The following NCOR1 variants were observed in gnomAD, a reference collection of about 807,000 sequenced individuals.
NCOR1 encodes the protein protein phosphatase 1, regulatory subunit 109.
NCOR1 carries 63 observed loss-of-function variants against 288.1 expected under a neutral mutation model. That is an observed-to-expected ratio of 0.22 (90% CI 0.18 to 0.27). NCOR1 has a LOEUF of 0.27. Among genes scored for constraint, NCOR1 ranks in the 10% least tolerant of loss-of-function variants. NCOR1 has a pLI of 1.00. For synonymous variants in NCOR1, 1,007 were observed against 1,065.9 expected, an observed-to-expected ratio of 0.94 and a Z score of 1.08; for missense variants, 2,397 against 3,019.2, an observed-to-expected ratio of 0.79 and a Z score of 4.83.
chr17:16,197,296 G>A (rs1233920265), intron 1 of NCOR1, among the ~76,000 whole-genome samples: 1 of 151,870 alleles, frequency 6.6e-6, no homozygotes, highest in Admixed American at 6.6e-5. Context: ...ACTCCAGCCT[G>A]GGTGAGGGGT....
Position 16,132,700 on chromosome 17 carries a change from T to G in NCOR1, c.1509+4611A>C, listed in dbSNP as rs187374316. 1.1e-4 allele frequency among the ~76,000 whole-genome samples: 17 copies of G among 152,280 alleles called. No homozygotes were observed. The East Asian group carries it at 3.3e-3, about 29-fold the overall frequency. On this transcript the variant is annotated intron_variant, in intron 14 of 45. Transcript: ENST00000268712. The stretch of plus-strand genomic sequence containing the variant: ...CTATGAGTCTAAGATTAAAACTCAT[T>G]TTCAGAGTAAACACTACTAAGCTTC...
rs1401631291 is a variant in NCOR1, at chr17:16,130,389, G to T, written c.1510-4183C>A. On this transcript the variant is annotated intron_variant, in intron 14 of 45. Coordinates refer to ENST00000268712, the MANE Select transcript of NCOR1 (RefSeq NM_006311.4). The stretch of plus-strand genomic sequence containing the variant: ...AAGTTACATCCCTCAACTCCACAGG[G>T]TGGCTGGAGCAAAAGAGGTCCACCC... Among the ~76,000 whole-genome samples the T allele has an allele frequency of 3.3e-5, 5 of 151,856 alleles. No individual in the cohort carries two copies. The East Asian group carries it at 9.7e-4, about 30-fold the overall frequency.
At chr17:16,057,100 C>T (rs1413387752) in intron 40 of NCOR1, 1 of 160,654 alleles carries the variant, frequency 6.2e-6, no homozygotes, top group African/African-American at 2.4e-5. Flanking sequence ...TCCCAAAGTG[C>T]TAGCATTACA....
chr17:16,054,978 C>A (rs2059750117), intron 40 of NCOR1, among the ~76,000 whole-genome samples: 1 of 152,066 alleles, frequency 6.6e-6, no homozygotes, highest in Admixed American at 6.6e-5. Context: ...CAAAATGAGA[C>A]ACCATCTCAC....
intron 20 of NCOR1, among the ~76,000 whole-genome samples, chr17:16,100,745 TATC>T (rs1417366455): frequency 6.6e-6 from 1 of 152,238 alleles, no homozygotes; most frequent in Non-Finnish European, 1.5e-5. Flanking sequence ...TGGTCATAAT[TATC>T]ATTACTTTGC....
At chr17:16,048,470 G>A (rs1353228446) in intron 41 of NCOR1, among the ~76,000 whole-genome samples, 3 of 152,110 alleles carry the variant, frequency 2.0e-5, no homozygotes, top group Admixed American at 6.5e-5. Context: ...TTGGGGTCAC[G>A]GTTAGAAATA....
chr17:16,034,716 T>C lies in NCOR1; in HGVS notation c.7135+49A>G, dbSNP rs775541018. On this transcript the variant is annotated intron_variant, in intron 45 of 45. Coordinates refer to ENST00000268712, the MANE Select transcript of NCOR1 (RefSeq NM_006311.4). The stretch of plus-strand genomic sequence containing the variant: ...TTTTGAAGAACTAATAACCAAGACA[T>C]TGATATTATTGCTCTGTCTCATTTT... 6.8e-6 allele frequency: 10 copies of C among 1,460,728 alleles called. No homozygotes were observed. The East Asian group carries it at 1.6e-4, about 23-fold the overall frequency. 90.5% of individuals were successfully genotyped at this position (1,460,728 alleles called of 1,614,324 possible). A position where few individuals can be genotyped will look rare whatever the true frequency, so the allele number is the denominator to read the frequency against.
intron 31 of NCOR1, among the ~76,000 whole-genome samples, chr17:16,069,191 C>T (rs566560932): frequency 1.6e-4 from 24 of 152,258 alleles, no homozygotes; most frequent in Non-Finnish European, 3.2e-4. Context: ...AACAAATCTG[C>T]CTGCCCAAAG....
In NCOR1 at chr17:16,158,890, G is replaced by A. The variant is rs2080253724; in HGVS notation, c.619-17C>T. On this transcript the variant is annotated splice_polypyrimidine_tract_variant and intron_variant, in intron 5 of 45. Coordinates refer to ENST00000268712, the MANE Select transcript of NCOR1 (RefSeq NM_006311.4). ...AAGCTGTTGCTAAGAGATCCAGAAA[G>A]AAAGAGTCAAGCATGTGCTGCACAC... is the stretch of plus-strand genomic sequence containing the variant. The A allele has an allele frequency of 5.7e-6, 9 of 1,584,666 alleles. No individual in the cohort carries two copies. In the East Asian group the frequency reaches 2.0e-4, roughly 35 times the overall value.
chr17:16,072,106 C>A, intron 29 of NCOR1, 39 bp downstream of exon 29: 1 of 1,449,224 alleles, frequency 6.9e-7, no homozygotes, highest in South Asian at 1.3e-5. Context: ...GCCAGGGAGG[C>A]AGTTATAAAT....
chr17:16,064,232 A>G (rs774138985), intron 34 of NCOR1, 45 bp from the exon 35 acceptor site: 1 of 1,586,152 alleles, frequency 6.3e-7, no homozygotes, highest in Non-Finnish European at 8.6e-7. Context: ...ATATCAACTG[A>G]CTGAGTATAT....
Position 16,029,535 on chromosome 17 carries a change from T to C in NCOR1, c.*2761A>G. On this transcript the variant is annotated 3_prime_UTR_variant, in exon 46 of 46. Coordinates refer to ENST00000268712, the MANE Select transcript of NCOR1 (RefSeq NM_006311.4). ...AAAACTGGCTGTCAGAATACTTTTA[T>C]GAAGAGTATTAGGAAGACCTTAATT... is the stretch of plus-strand genomic sequence containing the variant. The C allele has an allele frequency of 3.8e-6, 1 of 262,300 alleles. No homozygotes were observed. The highest frequency in any genetic ancestry group is 9.7e-5 in the East Asian group (1 of 10,324). 16.2% of individuals were successfully genotyped at this position (262,300 alleles called of 1,614,324 possible). A position where few individuals can be genotyped will look rare whatever the true frequency, so the allele number is the denominator to read the frequency against.
chr17:16,156,682 A>C (rs560791932), intron 6 of NCOR1, among the ~76,000 whole-genome samples: 1 of 152,328 alleles, frequency 6.6e-6, no homozygotes, highest in South Asian at 2.1e-4. Flanking sequence ...AATAAACAAC[A>C]AACCAAATAT....
At chr17:16,060,036 A>G (rs1421855118) in intron 37 of NCOR1, among the ~76,000 whole-genome samples, 1 of 152,184 alleles carries the variant, frequency 6.6e-6, no homozygotes, top group South Asian at 2.1e-4. Context: ...TCCAATATTC[A>G]CTCAGTAGAA....
intron 1 of NCOR1, chr17:16,198,392 A>G (rs1034230581): frequency 1.4e-5 from 2 of 143,468 alleles, no homozygotes; most frequent in African/African-American, 5.2e-5. Context: ...CTTGGCAATT[A>G]TTCTCATCAA....
chr17:16,206,429 A>G (rs1308975941), intron 1 of NCOR1, among the ~76,000 whole-genome samples: 1 of 151,966 alleles, frequency 6.6e-6, no homozygotes, highest in Admixed American at 6.6e-5. Context: ...TCTGTCGCCC[A>G]GGCTGGAGTC....
chr17:16,037,621 T>C (rs2151933916), intron 44 of NCOR1, among the ~76,000 whole-genome samples: 1 of 152,290 alleles, frequency 6.6e-6, no homozygotes, highest in East Asian at 1.9e-4. Flanking sequence ...ACAAAAATCA[T>C]ACTTCACTAA....
At chr17:16,214,594 G>C (rs890408018) in intron 1 of NCOR1, among the ~76,000 whole-genome samples, 2 of 152,160 alleles carry the variant, frequency 1.3e-5, no homozygotes, top group Non-Finnish European at 2.9e-5. Flanking sequence ...ATCACATAAA[G>C]AAAACTGACA....
At chr17:16,046,207 G>A (rs539054194) in intron 42 of NCOR1, among the ~76,000 whole-genome samples, 23 of 152,326 alleles carry the variant, frequency 1.5e-4, no homozygotes, top group South Asian at 4.1e-4. Flanking sequence ...ACTGGAGCAA[G>A]CACAGACGGA....
Sources: gnomAD v4.1 joint callset for allele counts (sites outside exome capture counted in the v4.1 genomes callset) on GRCh38, gnomAD v4.1.1 for gene constraint, MANE v1.5 for transcripts, NCBI Gene and HGNC (gene_info 2026-07-23, HGNC 2026-07-21) for gene names.